The following GRID2 variants were observed in gnomAD, a reference collection of about 807,000 sequenced individuals.
GRID2 encodes the protein glutamate receptor ionotropic, delta-2.
GRID2 carries 33 observed loss-of-function variants against 114.8 expected under a neutral mutation model. That is an observed-to-expected ratio of 0.29 (90% CI 0.22 to 0.38). GRID2 has a LOEUF of 0.38. GRID2 is among the 10% of genes least tolerant of loss of function. GRID2 has a pLI of 1.00. For synonymous variants in GRID2, 505 were observed against 449.9 expected, an observed-to-expected ratio of 1.12 and a Z score of -1.55; for missense variants, 1,184 against 1,257.7, an observed-to-expected ratio of 0.94 and a Z score of 0.89.
chr4:93,049,224 T>G (rs146091037), intron 2 of GRID2, among the ~76,000 whole-genome samples: 1 of 152,096 alleles, frequency 6.6e-6, no homozygotes, highest in African/African-American at 2.4e-5. Flanking sequence ...AGTTATGAAT[T>G]TCAAAATAAT....
At chr4:92,523,755 G>GACT (rs1724898167) in intron 1 of GRID2, among the ~76,000 whole-genome samples, 2 of 152,002 alleles carry the variant, frequency 1.3e-5, no homozygotes, top group Non-Finnish European at 2.9e-5. Context: ...ACAGAAGTGG[G>GACT]CTGTGTACAG....
chr4:93,359,994 A>G (rs916123500), intron 8 of GRID2, among the ~76,000 whole-genome samples: 2 of 144,660 alleles, frequency 1.4e-5, no homozygotes, highest in African/African-American at 2.8e-5. Context: ...TATCTGTTCC[A>G]TATTACCTTT....
At chr4:92,689,815 C>T (rs1391116101) in intron 2 of GRID2, among the ~76,000 whole-genome samples, 9 of 152,260 alleles carry the variant, frequency 5.9e-5, no homozygotes, top group African/African-American at 2.2e-4. Flanking sequence ...ATGGAGATAG[C>T]TTCTTTGGCT....
At chr4:93,595,464 C>G (rs1316773062) in intron 13 of GRID2, among the ~76,000 whole-genome samples, 3 of 152,164 alleles carry the variant, frequency 2.0e-5, no homozygotes, top group Non-Finnish European at 4.4e-5. Context: ...AATCTTCACT[C>G]AGTCCCAATA....
At chr4:92,476,494 T>C (rs967715195) in intron 1 of GRID2, among the ~76,000 whole-genome samples, 1 of 152,182 alleles carries the variant, frequency 6.6e-6, no homozygotes, top group African/African-American at 2.4e-5. Context: ...CCCATACAGA[T>C]ATTAAAATTG....
rs372339974 is a variant in GRID2 at position 92,954,782 on chromosome 4, G to C, written c.245-130213G>C. 3.0e-3 allele frequency among the ~76,000 whole-genome samples: 362 copies of C among 120,164 alleles called. 8 individuals carry two copies. In the East Asian group the frequency reaches 0.05, roughly 17 times the overall value. 78.8% of individuals were successfully genotyped at this position (120,164 alleles called of 152,430 possible). On this transcript the variant is annotated intron_variant, in intron 2 of 15. Transcript: ENST00000282020. ...CCTCCCCCCTCCCCCCACCCCACAA[G>C]AGTCCCCAGAGTGTGATGTTCCCCT...
intron 2 of GRID2, among the ~76,000 whole-genome samples, chr4:92,946,548 C>G (rs1340482364): frequency 6.6e-6 from 1 of 151,984 alleles, no homozygotes; most frequent in Non-Finnish European, 1.5e-5. Flanking sequence ...AAACCTGTTC[C>G]ATTAAAAATT....
At chr4:92,955,378 A>C (rs1752325893) in intron 2 of GRID2, among the ~76,000 whole-genome samples, 1 of 152,014 alleles carries the variant, frequency 6.6e-6, no homozygotes, top group Admixed American at 6.5e-5. Context: ...GATGATGAGC[A>C]TTTTTTCATG....
At chr4:92,975,286 A>G (rs1169777052) in intron 2 of GRID2, among the ~76,000 whole-genome samples, 1 of 151,820 alleles carries the variant, frequency 6.6e-6, no homozygotes, top group Non-Finnish European at 1.5e-5. Flanking sequence ...TTATATTAAT[A>G]CTTTTTTTTC....
chr4:93,762,659 T>C (rs532769354), intron 14 of GRID2, among the ~76,000 whole-genome samples: 1 of 152,252 alleles, frequency 6.6e-6, no homozygotes, highest in East Asian at 1.9e-4. Context: ...GACCTAATGC[T>C]TCTCTTCCCT....
intron 2 of GRID2, among the ~76,000 whole-genome samples, chr4:93,063,732 A>C (rs1728010502): frequency 6.6e-6 from 1 of 151,856 alleles, no homozygotes; most frequent in Non-Finnish European, 1.5e-5. Context: ...ATCTTTCAAA[A>C]ATTTTAATGT....
chr4:93,374,386 T>C (rs113238604), intron 8 of GRID2, among the ~76,000 whole-genome samples: 23 of 152,260 alleles, frequency 1.5e-4, no homozygotes, highest in African/African-American at 5.5e-4. Context: ...CTTCATGTTA[T>C]CAATCAGTTA....
At chr4:93,495,828 T>C (rs1230056028) in intron 12 of GRID2, among the ~76,000 whole-genome samples, 1 of 151,772 alleles carries the variant, frequency 6.6e-6, no homozygotes, top group East Asian at 1.9e-4. Flanking sequence ...TAATATTTAC[T>C]TATGTAGTGG....
chr4:92,701,688 T>A (rs1734682919), intron 2 of GRID2, among the ~76,000 whole-genome samples: 1 of 152,148 alleles, frequency 6.6e-6, no homozygotes, highest in Admixed American at 6.5e-5. Flanking sequence ...AAAAGCCCTC[T>A]TTAATAAAGC....
intron 1 of GRID2, among the ~76,000 whole-genome samples, chr4:92,538,303 T>C (rs1048873347): frequency 7.2e-5 from 11 of 152,208 alleles, no homozygotes; most frequent in African/African-American, 1.2e-4. Context: ...AAAATAGTTA[T>C]CAGTTTTAGA....
At chr4:93,686,451 A>G (rs1578570606) in intron 14 of GRID2, among the ~76,000 whole-genome samples, 1 of 151,906 alleles carries the variant, frequency 6.6e-6, no homozygotes, top group East Asian at 1.9e-4. Flanking sequence ...TATGTGCCAG[A>G]TATTGCTTAC....
intron 8 of GRID2, among the ~76,000 whole-genome samples, chr4:93,263,709 A>T (rs2149553624): frequency 6.6e-6 from 1 of 151,972 alleles, no homozygotes; most frequent in Non-Finnish European, 1.5e-5. Context: ...TAATTTGCAG[A>T]TTTTCATTTT....
At chr4:92,916,171 A>G (rs1239715058) in intron 2 of GRID2, among the ~76,000 whole-genome samples, 3 of 152,036 alleles carry the variant, frequency 2.0e-5, no homozygotes, top group African/African-American at 4.8e-5. Context: ...GTATTGCCTA[A>G]GCTGTCTTTA....
At chr4:92,465,649 G>A (rs1401959110) in intron 1 of GRID2, among the ~76,000 whole-genome samples, 1 of 151,970 alleles carries the variant, frequency 6.6e-6, no homozygotes, top group East Asian at 1.9e-4. Flanking sequence ...GCAATTAAAT[G>A]TTTATTTGCA....
Sources: allele counts gnomAD v4.1 joint callset (sites outside exome capture counted in the v4.1 genomes callset), GRCh38; gene constraint gnomAD v4.1.1; transcripts MANE v1.5; gene names NCBI Gene and HGNC (gene_info 2026-07-23, HGNC 2026-07-21).